The following FANCC variants were observed in gnomAD, a reference collection of about 807,000 sequenced individuals.
The protein encoded by FANCC is Fanconi anemia group C protein.
FANCC carries 55 observed loss-of-function variants against 71.3 expected under a neutral mutation model. That is an observed-to-expected ratio of 0.77 (90% CI 0.62 to 0.97). The LOEUF is 0.97. FANCC is among the 50% of genes least tolerant of loss of function. FANCC has a pLI of 0.00. For synonymous variants in FANCC, 275 were observed against 244.9 expected (o/e 1.12, Z -1.15); for missense variants, 678 against 670.9 (o/e 1.01, Z -0.12).
chr9:95,246,291 G>C (rs964284440), intron 3 of FANCC, among the ~76,000 whole-genome samples: 1 of 152,190 alleles, frequency 6.6e-6, no homozygotes, highest in African/African-American at 2.4e-5. Flanking sequence ...GAGGGAGGCT[G>C]AGTGTGTGGG....
intron 4 of FANCC, among the ~76,000 whole-genome samples, chr9:95,198,728 T>A (rs1475828148): frequency 6.6e-6 from 1 of 151,998 alleles, no homozygotes; most frequent in Non-Finnish European, 1.5e-5. Context: ...CTTATTAAAA[T>A]TTTTTTTGTG....
chr9:95,293,163 T>C, intron 1 of FANCC: 1 of 1,613,092 alleles, frequency 6.2e-7, no homozygotes, highest in Non-Finnish European at 8.5e-7. Flanking sequence ...CTTGTGGCTC[T>C]AACACTGACA....
chr9:95,114,545 T>C (rs1185112605), intron 12 of FANCC, 84 bp downstream of exon 12: 1 of 1,222,640 alleles, frequency 8.2e-7, no homozygotes. Flanking sequence ...AATGCCTTCC[T>C]CTGTCAGCCC....
At chr9:95,216,982 C>A (rs1425729603) in intron 4 of FANCC, among the ~76,000 whole-genome samples, 1 of 152,212 alleles carries the variant, frequency 6.6e-6, no homozygotes, top group Non-Finnish European at 1.5e-5. Context: ...CTTAACCCAA[C>A]TGACATTTAG....
intron 4 of FANCC, among the ~76,000 whole-genome samples, chr9:95,227,117 G>A (rs570437346): frequency 7.4e-4 from 113 of 152,282 alleles, no homozygotes; most frequent in African/African-American, 2.6e-3. Flanking sequence ...GAGTTCCTGA[G>A]AGCCCGACCT....
chr9:95,187,092 C>T (rs1453841548), intron 4 of FANCC, among the ~76,000 whole-genome samples: 4 of 152,018 alleles, frequency 2.6e-5, no homozygotes, highest in Non-Finnish European at 5.9e-5. Context: ...TTTTTAAAAA[C>T]GGTGTTAGGT....
intron 2 of FANCC, among the ~76,000 whole-genome samples, chr9:95,247,796 TAGTC>T (rs1275370986): frequency 6.6e-6 from 1 of 152,238 alleles, no homozygotes; most frequent in Non-Finnish European, 1.5e-5. Flanking sequence ...TCATACTTAA[TAGTC>T]AGTAAAGGCT....
chr9:95,105,078 A>T (rs2071339268), intron 14 of FANCC, among the ~76,000 whole-genome samples: 1 of 152,254 alleles, frequency 6.6e-6, no homozygotes, highest in African/African-American at 2.4e-5. Flanking sequence ...CCGGGCCCAA[A>T]GAGGTGGCAC....
In FANCC at chr9:95,111,529, G is replaced by A; in HGVS notation, c.1263C>T (p.Ala421=). ...LLMSAAEPPT[A]LLWLLAFYYG... ...AGTAGAAGGCCAAGAGCCACAGCAGGGCCGTGGGGGGTTCGGCTGCCGACA... is the reference window on the plus strand; with the variant it reads ...AGTAGAAGGCCAAGAGCCACAGCAGAGCCGTGGGGGGTTCGGCTGCCGACA... Residue 421 remains alanine, a synonymous_variant, in exon 13 of 15, where the codon GCC becomes GCT. Transcript: ENST00000289081. 6.2e-7 allele frequency: 1 copy of A among 1,614,146 alleles called. No homozygotes were observed. Among genetic ancestry groups the A allele is most frequent in the Non-Finnish European group, 8.5e-7 (1 of 1,180,038 alleles).
At chr9:95,265,653 T>C (rs1832343464) in intron 1 of FANCC, among the ~76,000 whole-genome samples, 1 of 152,162 alleles carries the variant, frequency 6.6e-6, no homozygotes, top group South Asian at 2.1e-4. Context: ...GAGGAACACA[T>C]TAGTTATTAA....
rs1800360 is a variant in FANCC at position 95,172,085 on chromosome 9, T to C, written c.408A>G (p.Gln136=). ...AATCTATAGGTGCATACCCAAGACC[T>C]TGAGTGAAAAGAGCAACTTCTTTAT... ...RFDKEVALFT[Q]GLGYAPIDYY... is the part of the protein sequence containing the mutation. Residue 136 remains glutamine, a synonymous_variant, in exon 5 of 15, where the codon CAA becomes CAG. Coordinates refer to ENST00000289081, the MANE Select transcript of FANCC (RefSeq NM_000136.3). 3.9e-3 allele frequency: 6,323 copies of C among 1,613,334 alleles called. 232 individuals carry two copies. The African/African-American group carries it at 0.076, about 19-fold the overall frequency.
intron 6 of FANCC, among the ~76,000 whole-genome samples, chr9:95,164,995 C>G (rs1018074766): frequency 6.6e-6 from 1 of 151,862 alleles, no homozygotes; most frequent in Non-Finnish European, 1.5e-5. Context: ...GTTTTTATTT[C>G]TTCATTATTC....
intron 6 of FANCC, among the ~76,000 whole-genome samples, chr9:95,164,469 G>T (rs1830947000): frequency 6.6e-6 from 1 of 152,060 alleles, no homozygotes; most frequent in African/African-American, 2.4e-5. Flanking sequence ...CTACATTGAG[G>T]TCATTTCCTT....
At chr9:95,253,763 T>C (rs1831492955) in intron 1 of FANCC, among the ~76,000 whole-genome samples, 1 of 149,212 alleles carries the variant, frequency 6.7e-6, no homozygotes, top group South Asian at 2.1e-4. Context: ...CATCTCCCAT[T>C]GCAGAAGACA....
intron 10 of FANCC, among the ~76,000 whole-genome samples, chr9:95,121,415 A>G (rs2072869860): frequency 6.6e-6 from 1 of 152,248 alleles, no homozygotes; most frequent in African/African-American, 2.4e-5. Flanking sequence ...GGGATCACTC[A>G]TAAACTGTTG....
At chr9:95,128,942 G>A (rs1484790825) in intron 8 of FANCC, among the ~76,000 whole-genome samples, 2 of 149,866 alleles carry the variant, frequency 1.3e-5, no homozygotes, top group African/African-American at 4.9e-5. Flanking sequence ...GTCTCATTCT[G>A]TTGCCAGGCT....
In FANCC at chr9:95,125,119, G is replaced by C; in HGVS notation, c.963C>G (p.Cys321Trp). The C allele has an allele frequency of 6.2e-7, 1 of 1,614,168 alleles. No homozygotes were observed. Among genetic ancestry groups the C allele is most frequent in the Non-Finnish European group, 8.5e-7 (1 of 1,180,022 alleles). The change falls in exon 10 of 15, where the codon TGC becomes TGG. Residue 321 changes from cysteine to tryptophan, a missense_variant. Coordinates refer to ENST00000289081, the MANE Select transcript of FANCC (RefSeq NM_000136.3). ...IIATIQVFTQ[C>W]FVEALEKASK... is the part of the protein sequence containing the mutation. ...TTGCTTTCTCCAGAGCTTCTACAAAGCACTGCGTAAACACCTGAATAGTGG... is the reference window on the plus strand; with the variant it reads ...TTGCTTTCTCCAGAGCTTCTACAAACCACTGCGTAAACACCTGAATAGTGG...
chr9:95,315,439 G>C (rs1835680728), intron 1 of FANCC, among the ~76,000 whole-genome samples: 1 of 152,154 alleles, frequency 6.6e-6, no homozygotes, highest in South Asian at 2.1e-4. Context: ...GCCCACGCTG[G>C]ACTCGAACTC....
chr9:95,290,890 G>A (rs1833958824), intron 1 of FANCC, among the ~76,000 whole-genome samples: 1 of 152,130 alleles, frequency 6.6e-6, no homozygotes, highest in Non-Finnish European at 1.5e-5. Context: ...ATGATCAAAT[G>A]AAATTTACCC....
Sources: gnomAD v4.1 joint callset for allele counts (sites outside exome capture counted in the v4.1 genomes callset) on GRCh38, gnomAD v4.1.1 for gene constraint, MANE v1.5 for transcripts, NCBI Gene and HGNC (gene_info 2026-07-23, HGNC 2026-07-21) for gene names.